SLC41A3: variants seen among roughly 807,000 people sequenced by gnomAD.
The protein encoded by SLC41A3 is SLC41A1-like 2.
Under a neutral mutation model 45.4 loss-of-function variants are expected in SLC41A3, and 44 were observed. The ratio of observed to expected loss-of-function variants is 0.97; its 90% CI spans 0.76 to 1.25. The LOEUF is 1.25. Ranked by LOEUF, SLC41A3 falls within the 50% of genes most tolerant of loss-of-function variation. The pLI is 0.00. For synonymous variants in SLC41A3, 256 were observed against 252.4 expected, an observed-to-expected ratio of 1.01 and a Z score of -0.13; for missense variants, 550 against 600.6, an observed-to-expected ratio of 0.92 and a Z score of 0.88.
At chr3:126,017,807 C>A (rs1205842815) in intron 6 of SLC41A3, among the ~76,000 whole-genome samples, 2 of 152,186 alleles carry the variant, frequency 1.3e-5, no homozygotes, top group Non-Finnish European at 2.9e-5. Context: ...AGGGTTATGG[C>A]CCATTCCTCT....
intron 6 of SLC41A3, among the ~76,000 whole-genome samples, chr3:126,017,495 G>C (rs3792283): frequency 0.34 from 51,291 of 152,148 alleles, 9,533 homozygotes; most frequent in African/African-American, 0.5. Context: ...TGAAGACTGG[G>C]CAGGTGCTGG....
intron 4 of SLC41A3, among the ~76,000 whole-genome samples, chr3:126,032,037 C>T (rs1224475891): frequency 2.0e-5 from 3 of 152,212 alleles, no homozygotes; most frequent in Non-Finnish European, 4.4e-5. Context: ...GGAACTTACA[C>T]CTGAGTGGAG....
chr3:126,043,633 G>A (rs1294735558), intron 3 of SLC41A3, among the ~76,000 whole-genome samples: 7 of 151,976 alleles, frequency 4.6e-5, no homozygotes, highest in African/African-American at 1.7e-4. Context: ...TTCAGAGGCA[G>A]AGCTATAAAC....
chr3:126,027,758 C>A (rs569443682), intron 4 of SLC41A3, among the ~76,000 whole-genome samples: 1 of 152,290 alleles, frequency 6.6e-6, no homozygotes, highest in East Asian at 1.9e-4. Flanking sequence ...ATAATTTGGA[C>A]AGTGAAGGCC....
intron 3 of SLC41A3, among the ~76,000 whole-genome samples, chr3:126,043,804 A>G (rs1277512812): frequency 7.3e-5 from 6 of 82,036 alleles, no homozygotes; most frequent in Admixed American, 4.4e-4. Context: ...ATATCACTGC[A>G]AAAAAAAACA....
intron 8 of SLC41A3, among the ~76,000 whole-genome samples, chr3:126,014,367 G>C (rs544800909): frequency 1.1e-3 from 169 of 152,218 alleles, no homozygotes; most frequent in African/African-American, 3.9e-3. Context: ...GGCAAGTCTG[G>C]ACCTACACTC....
Position 126,016,859 on chromosome 3 carries a change from C to A in SLC41A3, c.762G>T (p.Thr254=). 1 of 1,612,462 alleles carries A rather than the reference C, an allele frequency of 6.2e-7. No homozygotes were observed. The highest frequency in any genetic ancestry group is 1.3e-5 in the African/African-American group (1 of 75,014). ...CCGCAAAGCTGAGGCAGACCAGCGG[C>A]GTCAGATACCGACTATCTGAAAGGA... ...FYRHKDSRYL[T]PLVCLSFAAL... is the part of the protein sequence containing the mutation. Residue 254 remains threonine, a synonymous_variant, in exon 7 of 11, where the codon ACG becomes ACT. Transcript: ENST00000360370.
At chr3:126,081,363 G>A (rs974965638) in intron 1 of SLC41A3, among the ~76,000 whole-genome samples, 4 of 152,116 alleles carry the variant, frequency 2.6e-5, no homozygotes, top group Admixed American at 2.6e-4. Flanking sequence ...GGCGGGACAG[G>A]GGGAAAAAGG....
chr3:126,040,230 C>A (rs1276803995), intron 3 of SLC41A3, among the ~76,000 whole-genome samples: 1 of 152,190 alleles, frequency 6.6e-6, no homozygotes, highest in African/African-American at 2.4e-5. Flanking sequence ...TATCTACATA[C>A]ATATTACAAT....
intron 2 of SLC41A3, among the ~76,000 whole-genome samples, chr3:126,057,305 T>C (rs1241832823): frequency 6.6e-6 from 1 of 152,180 alleles, no homozygotes; most frequent in Non-Finnish European, 1.5e-5. Flanking sequence ...GCTTCCAAAG[T>C]GGCCTCGCTT....
At position 126,079,240 on chromosome 3, in the gene SLC41A3, C is replaced by CACACACACA. The variant is rs35781435; in HGVS notation, c.-28+4852_-28+4853insTGTGTGTGT. On this transcript the variant is annotated intron_variant, in intron 1 of 10. Transcript: ENST00000360370. ...CACACACACACACACACACACACAC[C>CACACACACA]CACACACGATCAGGGATTTAAATTC... Among the ~76,000 whole-genome samples, 182 of 100,876 alleles carry CACACACACA rather than the reference C, an allele frequency of 1.8e-3. 1 individual carries two copies. The highest frequency in any genetic ancestry group is 5.5e-3 in the Middle Eastern group (1 of 182). The allele number at this position is 100,876 out of a possible 152,430, so 66.2% of individuals were successfully genotyped here.
intron 9 of SLC41A3, among the ~76,000 whole-genome samples, chr3:126,009,370 AG>A (rs981139769): frequency 1.1e-4 from 16 of 152,190 alleles, no homozygotes; most frequent in African/African-American, 3.4e-4. Flanking sequence ...TCGGCTCAAA[AG>A]GGGACCTCGG....
intron 1 of SLC41A3, among the ~76,000 whole-genome samples, chr3:126,074,812 C>T (rs1944799938): frequency 6.6e-6 from 1 of 152,236 alleles, no homozygotes; most frequent in South Asian, 2.1e-4. Flanking sequence ...TCCTGCGTAG[C>T]TGGGGCTACA....
At chr3:126,093,653 G>A (rs1381457192) in intron 1 of SLC41A3, among the ~76,000 whole-genome samples, 1 of 152,228 alleles carries the variant, frequency 6.6e-6, no homozygotes, top group Non-Finnish European at 1.5e-5. Flanking sequence ...AGATTACAAT[G>A]GGGAAATTCA....
At chr3:126,060,048 C>A (rs1259069674) in intron 2 of SLC41A3, among the ~76,000 whole-genome samples, 4 of 152,234 alleles carry the variant, frequency 2.6e-5, no homozygotes, top group Non-Finnish European at 5.9e-5. Context: ...CAACCATTTG[C>A]AGACTCTCAT....
At chr3:126,049,943 T>A (rs997970698) in intron 3 of SLC41A3, among the ~76,000 whole-genome samples, 1 of 152,178 alleles carries the variant, frequency 6.6e-6, no homozygotes, top group South Asian at 2.1e-4. Context: ...GAGCACAGTA[T>A]CTTTCCTCTC....
intron 3 of SLC41A3, among the ~76,000 whole-genome samples, chr3:126,040,395 A>C (rs917668762): frequency 6.6e-6 from 1 of 152,198 alleles, no homozygotes; most frequent in Non-Finnish European, 1.5e-5. Flanking sequence ...TGAAGAATGG[A>C]AAGTGACAAA....
chr3:126,083,379 T>A (rs1945260382), intron 1 of SLC41A3, among the ~76,000 whole-genome samples: 1 of 152,034 alleles, frequency 6.6e-6, no homozygotes, highest in Non-Finnish European at 1.5e-5. Context: ...ACTAAAGTCA[T>A]ATGGAAAAAA....
At chr3:126,072,684 T>G (rs1944683638) in intron 1 of SLC41A3, among the ~76,000 whole-genome samples, 1 of 152,222 alleles carries the variant, frequency 6.6e-6, no homozygotes, top group Admixed American at 6.5e-5. Flanking sequence ...TGTAAATTAG[T>G]TCAGCCATTG....
Sources: gnomAD v4.1 joint callset for allele counts (sites outside exome capture counted in the v4.1 genomes callset) on GRCh38, gnomAD v4.1.1 for gene constraint, MANE v1.5 for transcripts, NCBI Gene and HGNC (gene_info 2026-07-23, HGNC 2026-07-21) for gene names.